FBXO16: variants seen among roughly 807,000 people sequenced by gnomAD.
The protein encoded by FBXO16 is F-box only protein 16.
Under a neutral mutation model 41.0 loss-of-function variants are expected in FBXO16, and 31 were observed. The observed-to-expected ratio is 0.76, with a 90% CI of 0.57 to 1.02. FBXO16 has a LOEUF of 1.02. Ranked by LOEUF, FBXO16 falls within the 50% of genes least tolerant of loss-of-function variation. FBXO16 has a pLI of 0.00. For missense variants in FBXO16, 361 were observed against 346.2 expected (o/e 1.04, Z -0.34); for synonymous variants, 133 against 117.8 (o/e 1.13, Z -0.84).
intron 4 of FBXO16, among the ~76,000 whole-genome samples, chr8:28,460,245 A>ATATATATTTTTTTTTTTTT (rs1477457728): frequency 1.2e-5 from 1 of 85,484 alleles, no homozygotes; most frequent in African/African-American, 6.3e-5. Flanking sequence ...ATATATATAT[A>ATATATATTTTTTTTTTTTT]TTTTTTTTTT....
intron 2 of FBXO16, among the ~76,000 whole-genome samples, chr8:28,480,773 G>A (rs1285689387): frequency 6.6e-6 from 1 of 152,156 alleles, no homozygotes; most frequent in African/African-American, 2.4e-5. Flanking sequence ...CCAAAGTGCT[G>A]GGATTACAAG....
chr8:28,461,774 T>G (rs1032111578), intron 4 of FBXO16, among the ~76,000 whole-genome samples: 40 of 152,192 alleles, frequency 2.6e-4, no homozygotes, highest in African/African-American at 9.7e-4. Flanking sequence ...GATTTTAAAT[T>G]GCATATTTTC....
chr8:28,484,357 C>T (rs1220693317), intron 1 of FBXO16, among the ~76,000 whole-genome samples: 2 of 152,152 alleles, frequency 1.3e-5, no homozygotes, highest in Non-Finnish European at 2.9e-5. Flanking sequence ...TGGAAATGAA[C>T]AGATTTGAGT....
intron 7 of FBXO16, among the ~76,000 whole-genome samples, chr8:28,430,306 C>T (rs892080478): frequency 3.3e-5 from 5 of 152,186 alleles, no homozygotes; most frequent in Non-Finnish European, 5.9e-5. Context: ...CCTGAACTCC[C>T]GAGCTCAAGC....
intron 2 of FBXO16, among the ~76,000 whole-genome samples, chr8:28,475,740 A>C (rs528472137): frequency 2.0e-5 from 3 of 152,240 alleles, no homozygotes; most frequent in Non-Finnish European, 4.4e-5. Flanking sequence ...TTTCTCTTAC[A>C]TGCTCCACAG....
intron 3 of FBXO16, among the ~76,000 whole-genome samples, chr8:28,471,805 C>CAAAAAAAAA (rs557259701): frequency 4.2e-5 from 1 of 23,750 alleles, no homozygotes; most frequent in African/African-American, 7.8e-5. Flanking sequence ...CAGAGAATCT[C>CAAAAAAAAA]AAAAAAAAAA....
At chr8:28,484,784 G>A (rs888996063) in intron 1 of FBXO16, among the ~76,000 whole-genome samples, 1 of 152,082 alleles carries the variant, frequency 6.6e-6, no homozygotes, top group East Asian at 1.9e-4. Context: ...TAGTAGAGAC[G>A]GGGTTTCACC....
intron 7 of FBXO16, among the ~76,000 whole-genome samples, chr8:28,440,873 A>G (rs1802761379): frequency 6.6e-6 from 1 of 152,162 alleles, no homozygotes; most frequent in South Asian, 2.1e-4. Flanking sequence ...AGTGCTAGAC[A>G]AAGGGTATTT....
At chr8:28,441,912 G>C (rs867130890) in intron 7 of FBXO16, among the ~76,000 whole-genome samples, 1 of 107,642 alleles carries the variant, frequency 9.3e-6, no homozygotes, top group Non-Finnish European at 1.7e-5. Flanking sequence ...ATATATATAT[G>C]TGTGTGTGTG....
At chr8:28,455,121 G>C (rs2130133961) in intron 5 of FBXO16, among the ~76,000 whole-genome samples, 1 of 151,342 alleles carries the variant, frequency 6.6e-6, no homozygotes, top group South Asian at 2.1e-4. Context: ...TATCGCCCAG[G>C]ATGTAGTGCA....
chr8:28,433,349 A>G (rs1290295968), intron 7 of FBXO16, among the ~76,000 whole-genome samples: 1 of 152,218 alleles, frequency 6.6e-6, no homozygotes, highest in Non-Finnish European at 1.5e-5. Context: ...TTCCTGGCCA[A>G]TCAGCGCCTG....
intron 4 of FBXO16, among the ~76,000 whole-genome samples, chr8:28,457,674 A>C (rs941337765): frequency 1.3e-5 from 2 of 152,192 alleles, no homozygotes; most frequent in African/African-American, 4.8e-5. Context: ...TCCCTCCCAC[A>C]ACACTTGGGC....
At chr8:28,465,879 T>C (rs552170248) in intron 3 of FBXO16, among the ~76,000 whole-genome samples, 12 of 151,774 alleles carry the variant, frequency 7.9e-5, no homozygotes, top group Non-Finnish European at 1.6e-4. Flanking sequence ...TTCAGTTTGA[T>C]TACGTGAGAG....
intron 2 of FBXO16, among the ~76,000 whole-genome samples, chr8:28,481,495 T>G (rs1803511825): frequency 6.6e-6 from 1 of 152,052 alleles, no homozygotes. Context: ...CCGAAACATC[T>G]TGGCATGCCA....
intron 5 of FBXO16, 34 bp from the exon 6 acceptor site, chr8:28,452,510 ACT>A: frequency 6.2e-7 from 1 of 1,602,504 alleles, no homozygotes; most frequent in Non-Finnish European, 8.5e-7. Context: ...TTCTCAAAAC[ACT>A]ATAATACGCT....
chr8:28,442,807 G>T (rs544823841), intron 7 of FBXO16, among the ~76,000 whole-genome samples: 1 of 152,096 alleles, frequency 6.6e-6, no homozygotes, highest in African/African-American at 2.4e-5. Flanking sequence ...TCAAGGTGGC[G>T]GGTTTTGAAA....
chr8:28,460,692 T>C (rs534248803), intron 4 of FBXO16, among the ~76,000 whole-genome samples: 17 of 152,174 alleles, frequency 1.1e-4, no homozygotes, highest in Admixed American at 5.9e-4. Flanking sequence ...CTTAAAGTGC[T>C]AGGATTACAG....
intron 3 of FBXO16, among the ~76,000 whole-genome samples, chr8:28,464,932 G>A (rs564725255): frequency 6.6e-6 from 1 of 152,214 alleles, no homozygotes; most frequent in South Asian, 2.1e-4. Flanking sequence ...GACTACAGGC[G>A]AGAGCCACTG....
chr8:28,469,130 G>A (rs887402776), intron 3 of FBXO16, among the ~76,000 whole-genome samples: 8 of 151,920 alleles, frequency 5.3e-5, no homozygotes, highest in South Asian at 4.2e-4. Context: ...CCAACATGGA[G>A]AAACCCCATC....
Sources: gnomAD v4.1 joint callset for allele counts (sites outside exome capture counted in the v4.1 genomes callset) on GRCh38, gnomAD v4.1.1 for gene constraint, MANE v1.5 for transcripts, NCBI Gene and HGNC (gene_info 2026-07-23, HGNC 2026-07-21) for gene names.